Variants in RFC3 observed in about 807,000 individuals in gnomAD.
The protein encoded by RFC3 is replication factor C subunit 3.
In RFC3, 41 loss-of-function variants were observed where a neutral mutation model predicts 45.1. That is an observed-to-expected ratio of 0.91 (90% CI 0.71 to 1.18). The LOEUF (loss-of-function observed/expected upper bound fraction) is 1.18. Among genes scored for constraint, RFC3 ranks in the 50% most tolerant of loss-of-function variants. The pLI, the probability that RFC3 is intolerant of heterozygous loss-of-function variation, is 0.00. For synonymous variants in RFC3, 149 were observed against 144.0 expected (o/e 1.03, Z -0.25); for missense variants, 423 against 428.1 (o/e 0.99, Z 0.10).
chr13:33,949,313 T>G (rs2082974197), intron 8 of RFC3, among the ~76,000 whole-genome samples: 1 of 152,190 alleles, frequency 6.6e-6, no homozygotes, highest in Non-Finnish European at 1.5e-5. Context: ...TGAGGCCTTC[T>G]CAGTGATGCG....
At chr13:33,862,593 G>A (rs903895163) in intron 8 of RFC3, among the ~76,000 whole-genome samples, 2 of 152,146 alleles carry the variant, frequency 1.3e-5, no homozygotes, top group Middle Eastern at 3.4e-3. Flanking sequence ...TTTTAAAAGC[G>A]AGACATGTTA....
At chr13:33,966,253 C>G in exon 9 of RFC3, 1 of 734,712 alleles carries the variant, frequency 1.4e-6, no homozygotes, top group Non-Finnish European at 2.4e-6. Flanking sequence ...ATTCAGACTC[C>G]AGCCTGAATG....
At chr13:33,818,881 GTTTTTTTTTTTT>G (rs72236854) in intron 1 of RFC3, among the ~76,000 whole-genome samples, 2 of 112,040 alleles carry the variant, frequency 1.8e-5, no homozygotes, top group Non-Finnish European at 3.8e-5. Context: ...CCTGAGATTA[GTTTTTTTTTTTT>G]TTTTTTTTTT....
At chr13:33,931,860 G>T (rs952683786) in intron 8 of RFC3, among the ~76,000 whole-genome samples, 6 of 151,802 alleles carry the variant, frequency 4.0e-5, no homozygotes, top group Non-Finnish European at 5.9e-5. Flanking sequence ...GTCAAATTCT[G>T]TTCATGTATT....
At chr13:33,899,554 G>T (rs2082626130) in intron 8 of RFC3, among the ~76,000 whole-genome samples, 1 of 151,764 alleles carries the variant, frequency 6.6e-6, no homozygotes, top group African/African-American at 2.4e-5. Context: ...GCCTGTATAT[G>T]ACAAACCCAC....
chr13:33,866,488 AAAT>A (rs2082374500), intron 8 of RFC3, among the ~76,000 whole-genome samples: 1 of 152,242 alleles, frequency 6.6e-6, no homozygotes. Context: ...TTCAAATAAG[AAAT>A]AAAACCATCT....
chr13:33,893,497 A>AGG (rs1212400149), intron 8 of RFC3, among the ~76,000 whole-genome samples: 6 of 152,260 alleles, frequency 3.9e-5, no homozygotes, highest in Non-Finnish European at 8.8e-5. Flanking sequence ...AACAGCAAGC[A>AGG]GGGTACTATG....
chr13:33,904,488 C>T (rs543078535), intron 8 of RFC3, among the ~76,000 whole-genome samples: 1 of 152,148 alleles, frequency 6.6e-6, no homozygotes, highest in South Asian at 2.1e-4. Context: ...GCCTTATCAT[C>T]ATTCACTAGG....
chr13:33,948,117 C>G lies in RFC3; in HGVS notation c.880-17970C>G, dbSNP rs369120382. ...CATGGCAGCCCCTTCCATCACAGAC[C>G]GAGACCTAAGAGGTAAAAATGGTTT... On this transcript the variant is annotated intron_variant, in intron 8 of 8. Coordinates refer to the RFC3 transcript ENST00000434425. Among the ~76,000 whole-genome samples, 65 of 152,286 alleles carry G rather than the reference C, an allele frequency of 4.3e-4. 1 individual carries two copies. In the South Asian group the frequency reaches 0.012, roughly 29 times the overall value.
chr13:33,974,605 A>G, the RFC3 span, among the ~76,000 whole-genome samples: 1 of 152,256 alleles, frequency 6.6e-6, no homozygotes, highest in East Asian at 1.9e-4. Flanking sequence ...ACAATTCTCC[A>G]AATTTTAAGA....
At chr13:33,835,356 A>G (rs543360517) in intron 8 of RFC3, 139 bp downstream of exon 8, 24 of 747,394 alleles carry the variant, frequency 3.2e-5, no homozygotes, top group East Asian at 7.5e-5. Context: ...CTGAACCTCT[A>G]TGGTGTGCCA....
intron 8 of RFC3, among the ~76,000 whole-genome samples, chr13:33,897,075 G>A (rs1000120882): frequency 6.6e-6 from 1 of 152,046 alleles, no homozygotes; most frequent in African/African-American, 2.4e-5. Flanking sequence ...TAAAACCCAT[G>A]GGTAAAATTA....
At chr13:33,927,374 T>C (rs1163826829) in intron 8 of RFC3, among the ~76,000 whole-genome samples, 1 of 152,070 alleles carries the variant, frequency 6.6e-6, no homozygotes, top group Admixed American at 6.6e-5. Flanking sequence ...AGAAAATTCA[T>C]TGGTTCTGGT....
intron 8 of RFC3, among the ~76,000 whole-genome samples, chr13:33,941,932 A>T (rs9598352): frequency 2.6e-4 from 40 of 152,256 alleles, no homozygotes; most frequent in African/African-American, 9.4e-4. Context: ...TATACATTTT[A>T]AAATGTTTTT....
chr13:33,832,105 A>T (rs902123765), intron 7 of RFC3, among the ~76,000 whole-genome samples: 8 of 152,200 alleles, frequency 5.3e-5, no homozygotes, highest in African/African-American at 1.7e-4. Flanking sequence ...TGTTTGACTT[A>T]TGGCAGCTTC....
At chr13:33,880,252 A>G (rs2082474126) in intron 8 of RFC3, among the ~76,000 whole-genome samples, 1 of 152,252 alleles carries the variant, frequency 6.6e-6, no homozygotes, top group Non-Finnish European at 1.5e-5. Context: ...TGATATGTTT[A>G]TATAAAAGAC....
chr13:33,950,072 T>TACACACACACAC (rs71196530), intron 8 of RFC3, among the ~76,000 whole-genome samples: 1 of 144,840 alleles, frequency 6.9e-6, no homozygotes, highest in Non-Finnish European at 1.5e-5. Context: ...TCTCTCGCTC[T>TACACACACACAC]ACACACACAC....
chr13:33,867,681 G>A (rs966691983), intron 8 of RFC3, among the ~76,000 whole-genome samples: 15 of 152,112 alleles, frequency 9.9e-5, no homozygotes, highest in Admixed American at 2.0e-4. Flanking sequence ...CCAGGGCTGC[G>A]ATCTCCCAGA....
chr13:33,874,309 T>C (rs768282707), intron 8 of RFC3, among the ~76,000 whole-genome samples: 10 of 152,270 alleles, frequency 6.6e-5, no homozygotes, highest in Admixed American at 1.3e-4. Context: ...GTGCTTCTTT[T>C]TGTTTGTTTT....
Sources: gnomAD v4.1 joint callset for allele counts (sites outside exome capture counted in the v4.1 genomes callset) on GRCh38, gnomAD v4.1.1 for gene constraint, MANE v1.5 for transcripts, NCBI Gene and HGNC (gene_info 2026-07-23, HGNC 2026-07-21) for gene names.